BDP1: variants seen among roughly 807,000 people sequenced by gnomAD.
BDP1 encodes the protein BDP1 general transcription factor IIIB subunit, also known as transcription factor TFIIIB component B'' homolog.
A neutral mutation model predicts 266.6 loss-of-function variants in BDP1; 169 were observed. The observed-to-expected ratio is 0.63, with a 90% CI of 0.56 to 0.72. The LOEUF (loss-of-function observed/expected upper bound fraction) is 0.72. BDP1 is among the 30% of genes least tolerant of loss of function. The pLI is 0.00. For synonymous variants in BDP1, 1,090 were observed against 1,022.4 expected, an observed-to-expected ratio of 1.07 and a Z score of -1.26; for missense variants, 3,015 against 3,053.8, an observed-to-expected ratio of 0.99 and a Z score of 0.30.
At chr5:71,470,294 T>C (rs896345911) in intron 6 of BDP1, 101 bp from the exon 7 acceptor site, 9 of 851,460 alleles carry the variant, frequency 1.1e-5, no homozygotes, top group Non-Finnish European at 1.7e-5. Flanking sequence ...CATGGGGATC[T>C]TTCTAGTAAA....
chr5:71,508,184 CAA>C (rs1186458400), intron 16 of BDP1, among the ~76,000 whole-genome samples: 1 of 152,168 alleles, frequency 6.6e-6, no homozygotes, highest in South Asian at 2.1e-4. Context: ...AGGCTGGTCT[CAA>C]ACTCTTGACC....
At chr5:71,517,495 T>C in intron 22 of BDP1, 43 bp downstream of exon 22, 1 of 1,507,294 alleles carries the variant, frequency 6.6e-7, no homozygotes, top group South Asian at 1.3e-5. Context: ...TTTTCAAAGA[T>C]AAAAGTTATA....
intron 5 of BDP1, among the ~76,000 whole-genome samples, chr5:71,466,597 T>G (rs1218519253): frequency 6.6e-6 from 1 of 152,166 alleles, no homozygotes; most frequent in African/African-American, 2.4e-5. Context: ...TCCTGGTGTG[T>G]GGTGATAACT....
downstream of BDP1, among the ~76,000 whole-genome samples, chr5:71,572,451 A>T (rs1469556125): frequency 6.6e-6 from 1 of 152,208 alleles, no homozygotes; most frequent in Admixed American, 6.5e-5. Context: ...ACTGAAATTG[A>T]CAAGGCGAAT....
chr5:71,525,898 G>A (rs1282306407), intron 25 of BDP1, among the ~76,000 whole-genome samples: 2 of 151,962 alleles, frequency 1.3e-5, no homozygotes, highest in Non-Finnish European at 2.9e-5. Context: ...GCCAGGCAGA[G>A]GGTCTCCTCA....
At chr5:71,528,123 G>T (rs989454717) in intron 25 of BDP1, among the ~76,000 whole-genome samples, 1 of 151,864 alleles carries the variant, frequency 6.6e-6, no homozygotes, top group Non-Finnish European at 1.5e-5. Context: ...ACCCGGCCTC[G>T]ATCTTATGTT....
At chr5:71,504,890 C>A in intron 16 of BDP1, 139 bp downstream of exon 16, 1 of 772,086 alleles carries the variant, frequency 1.3e-6, no homozygotes, top group Non-Finnish European at 2.1e-6. Flanking sequence ...AATATAACTT[C>A]ACCTTTCAAG....
chr5:71,461,920 C>A lies in BDP1; in HGVS notation c.593C>A (p.Pro198Gln). Reference protein sequence around the residue: ...DFIYYLPDNNPMTSSLEQEKK... With the variant: ...DFIYYLPDNNQMTSSLEQEKK... ...ATATATTATCTACCAGATAATAATC[C>A]AATGACGTAAGTAAAATTTATTTCT... Residue 198 changes from proline to glutamine, a missense_variant, in exon 3 of 39, where the codon CCA becomes CAA. By Grantham distance (76) the Pro-to-Gln change is moderately conservative. Around this residue, in one of 3 missense-constraint regions of BDP1, gnomAD observed 2,383 missense variants for 2,404.9 expected, o/e 0.99. Transcript: ENST00000358731. 1.4e-6 allele frequency: 2 copies of A among 1,389,336 alleles called. No homozygotes were observed. The highest frequency in any genetic ancestry group is 1.0e-6 in the Non-Finnish European group (1 of 989,344). 86.1% of individuals were successfully genotyped at this position (1,389,336 alleles called of 1,614,324 possible).
chr5:71,508,727 C>T (rs1708019399), intron 16 of BDP1, among the ~76,000 whole-genome samples: 1 of 152,158 alleles, frequency 6.6e-6, no homozygotes, highest in South Asian at 2.1e-4. Flanking sequence ...AAAGCCCTTT[C>T]ATTCATTTAT....
chr5:71,517,174 C>T, intron 21 of BDP1, 148 bp from the exon 22 acceptor site: 1 of 652,170 alleles, frequency 1.5e-6, no homozygotes, highest in Non-Finnish European at 2.5e-6. Flanking sequence ...CTAGCCTGGG[C>T]AGTATGATGA....
At chr5:71,456,204 T>TTC in intron 1 of BDP1, 115 bp downstream of exon 1, 1 of 1,012,670 alleles carries the variant, frequency 9.9e-7, no homozygotes, top group Non-Finnish European at 1.4e-6. Flanking sequence ...CAGTAAGCCT[T>TTC]TCAGTTGAGG....
chr5:71,538,935 A>G (rs1766795507), intron 26 of BDP1, 107 bp from the exon 27 acceptor site: 4 of 739,612 alleles, frequency 5.4e-6, no homozygotes, highest in African/African-American at 3.6e-5. Context: ...AGTTTACACT[A>G]TTGTAGCTAA....
rs1170475725 is a variant in BDP1 at position 71,567,786 on chromosome 5, A to T, written c.*2901A>T. 4 of 152,484 alleles carry T rather than the reference A, an allele frequency of 2.6e-5. No homozygotes were observed. The highest frequency in any genetic ancestry group is 7.2e-5 in the African/African-American group (3 of 41,446). The allele number at this position is 152,484 out of a possible 1,614,324, so 9.4% of individuals were successfully genotyped here. A position where few individuals can be genotyped will look rare whatever the true frequency, so the allele number is the denominator to read the frequency against. On this transcript the variant is annotated 3_prime_UTR_variant, in exon 39 of 39. Coordinates refer to ENST00000358731, the MANE Select transcript of BDP1 (RefSeq NM_018429.3). ...TTCTAAAGAAAGCAGTTATATATAT[A>T]TATAAATTATGTAAATAAAAGTTAT...
In BDP1 at chr5:71,548,628, T is replaced by C. The variant is rs1424159479; in HGVS notation, c.6745-54T>C. 23 of 1,134,348 alleles carry C rather than the reference T, an allele frequency of 2.0e-5. No homozygotes were observed. In the East Asian group the frequency reaches 4.2e-4, roughly 21 times the overall value. 70.3% of individuals were successfully genotyped at this position (1,134,348 alleles called of 1,614,324 possible). A position where few individuals can be genotyped will look rare whatever the true frequency, so the allele number is the denominator to read the frequency against. On this transcript the variant is annotated intron_variant, in intron 32 of 38. Transcript: ENST00000358731. Reference sequence around the variant, plus strand: ...TATATCATATTGACAGGAATAACTTTTTAAATGTAAGATTTGGCCAACCTG... The same window carrying C: ...TATATCATATTGACAGGAATAACTTCTTAAATGTAAGATTTGGCCAACCTG...
chr5:71,499,093 TTTTTC>T (rs1349484348), intron 13 of BDP1, among the ~76,000 whole-genome samples: 2 of 151,464 alleles, frequency 1.3e-5, no homozygotes, highest in East Asian at 2.0e-4. Context: ...GTTTAAAACC[TTTTTC>T]TTTTCTTTGT....
chr5:71,531,691 T>A (rs1165102519), intron 25 of BDP1, among the ~76,000 whole-genome samples: 1 of 152,066 alleles, frequency 6.6e-6, no homozygotes, highest in African/African-American at 2.4e-5. Context: ...GTATTTTTAG[T>A]AGAGATGGGG....
At chr5:71,509,177 T>C (rs766135972) in intron 16 of BDP1, among the ~76,000 whole-genome samples, 1 of 152,294 alleles carries the variant, frequency 6.6e-6, no homozygotes, top group East Asian at 1.9e-4. Flanking sequence ...TCAGTATTTA[T>C]AAATGGTAGT....
At position 71,560,035 on chromosome 5, in the gene BDP1, A is replaced by G. The variant is rs193246924; in HGVS notation, c.7294A>G (p.Thr2432Ala). ...TCTTACCTCAGGAAGCACACTGACA[A>G]CTCCAGAACCTCAAAGACAGCAAGT... ...IFLTSGSTLT[T>A]PEPQRQQVEA... Residue 2432 changes from threonine (T) to alanine (A), a missense_variant, in exon 37 of 39, where the codon ACT (threonine) becomes GCT (alanine). Coordinates refer to ENST00000358731, the MANE Select transcript of BDP1 (RefSeq NM_018429.3). 695 of 1,613,964 alleles carry G rather than the reference A, an allele frequency of 4.3e-4. 1 individual carries two copies. Among genetic ancestry groups the G allele is most frequent in the Middle Eastern group, 3.3e-3 (20 of 6,060 alleles).
rs1761159854 is a variant in BDP1 at position 71,456,064 on chromosome 5, C to T, written c.187C>T (p.Pro63Ser). The change falls in exon 1 of 39, where the codon CCC (proline) becomes TCC (serine). Residue 63 changes from proline (P) to serine (S), a missense_variant. Physicochemically the swap from Pro to Ser is moderately conservative, Grantham distance 74. Transcript: ENST00000358731. Reference protein sequence around the residue: ...VPTVDFGGAEPQEKAPRSSTE... With the variant: ...VPTVDFGGAESQEKAPRSSTE... ...CACAGTCGATTTCGGTGGAGCGGAG[C>T]CCCAAGAAAAGGCTCCTAGGAGCAG... 6.2e-7 allele frequency: 1 copy of T among 1,613,250 alleles called. No individual in the cohort carries two copies. The highest frequency in any genetic ancestry group is 8.5e-7 in the Non-Finnish European group (1 of 1,180,022).
Sources: allele counts gnomAD v4.1 joint callset (sites outside exome capture counted in the v4.1 genomes callset), GRCh38; gene constraint gnomAD v4.1.1; regional missense constraint gnomAD v4.1.1; transcripts MANE v1.5; gene names NCBI Gene and HGNC (gene_info 2026-07-23, HGNC 2026-07-21).